Variants in DPP10 observed in about 807,000 individuals in gnomAD.
The protein encoded by DPP10 is dipeptidyl peptidase like 10, also known as inactive dipeptidyl peptidase 10.
Under a neutral mutation model 120.9 loss-of-function variants are expected in DPP10, and 33 were observed. The observed-to-expected ratio is 0.27, with a 90% confidence interval of 0.21 to 0.37. DPP10 has a LOEUF of 0.37. Among genes scored for constraint, DPP10 ranks in the 10% least tolerant of loss-of-function variants. The pLI, the probability that DPP10 is intolerant of heterozygous loss-of-function variation, is 1.00. For missense variants in DPP10, 816 were observed against 942.8 expected (o/e 0.87, Z 1.76); for synonymous variants, 337 against 326.1 (o/e 1.03, Z -0.36).
chr2:114,916,290 C>G (rs1002822357), intron 1 of DPP10, among the ~76,000 whole-genome samples: 3 of 152,018 alleles, frequency 2.0e-5, no homozygotes, highest in Non-Finnish European at 2.9e-5. Context: ...AAACAGAATA[C>G]CTGAACAGAC....
At chr2:115,073,007 T>C (rs542565509) in intron 1 of DPP10, among the ~76,000 whole-genome samples, 1 of 152,274 alleles carries the variant, frequency 6.6e-6, no homozygotes, top group African/African-American at 2.4e-5. Context: ...GGTCTCGAAC[T>C]TCTAACCTCA....
intron 3 of DPP10, among the ~76,000 whole-genome samples, chr2:115,469,774 T>C (rs1438173478): frequency 2.0e-5 from 3 of 151,066 alleles, no homozygotes; most frequent in Non-Finnish European, 4.4e-5. Context: ...GGCACTTTCC[T>C]GTAATCCCAG....
chr2:115,632,014 T>C (rs1238151513), intron 5 of DPP10, among the ~76,000 whole-genome samples: 1 of 152,194 alleles, frequency 6.6e-6, no homozygotes, highest in Non-Finnish European at 1.5e-5. Flanking sequence ...AGTGGGGTGT[T>C]GAAGTCTCAC....
intron 5 of DPP10, among the ~76,000 whole-genome samples, chr2:115,641,839 A>G (rs1325454156): frequency 6.6e-6 from 1 of 152,150 alleles, no homozygotes; most frequent in African/African-American, 2.4e-5. Flanking sequence ...ACCTTTTCTT[A>G]TGTCATTTCA....
intron 3 of DPP10, among the ~76,000 whole-genome samples, chr2:115,445,545 G>A (rs751744751): frequency 6.6e-6 from 1 of 152,164 alleles, no homozygotes; most frequent in Non-Finnish European, 1.5e-5. Flanking sequence ...GGTCACTCTT[G>A]CTATGCTTTA....
At chr2:115,423,567 GA>G (rs2070181771) in intron 3 of DPP10, among the ~76,000 whole-genome samples, 1 of 152,084 alleles carries the variant, frequency 6.6e-6, no homozygotes, top group Non-Finnish European at 1.5e-5. Context: ...ATGACAAAAA[GA>G]ACGGCTTTGC....
chr2:114,743,182 TTTTAGGGATTTTGATC>T (rs1363379263), intron 1 of DPP10, among the ~76,000 whole-genome samples: 2 of 152,170 alleles, frequency 1.3e-5, no homozygotes, highest in African/African-American at 4.8e-5. Context: ...AGATTTTAGA[TTTTAGGGATTTTGATC>T]TTTAGGGATT....
At chr2:115,819,195 T>G (rs1687566244) in intron 21 of DPP10, among the ~76,000 whole-genome samples, 1 of 152,230 alleles carries the variant, frequency 6.6e-6, no homozygotes, top group Admixed American at 6.5e-5. Flanking sequence ...CTGTGTGGGA[T>G]TAAACATTTA....
At chr2:114,818,057 T>C (rs1000467155) in intron 1 of DPP10, among the ~76,000 whole-genome samples, 5 of 152,100 alleles carry the variant, frequency 3.3e-5, no homozygotes, top group African/African-American at 1.2e-4. Flanking sequence ...ATCTTTTGCC[T>C]GGGAAGAAGA....
chr2:114,895,887 A>G (rs149061930), intron 1 of DPP10, among the ~76,000 whole-genome samples: 5 of 152,168 alleles, frequency 3.3e-5, no homozygotes, highest in South Asian at 2.1e-4. Context: ...TAGGTCTTCA[A>G]TCCATCTTGA....
chr2:114,741,429 T>C (rs1678052929), intron 1 of DPP10, among the ~76,000 whole-genome samples: 1 of 151,994 alleles, frequency 6.6e-6, no homozygotes, highest in Non-Finnish European at 1.5e-5. Flanking sequence ...GTGTTGGGAG[T>C]AGGTGCTCTG....
chr2:114,720,746 AC>A lies in DPP10; in HGVS notation c.60+277909del, dbSNP rs1393563221. On this transcript the variant is annotated intron_variant, in intron 1 of 25. Coordinates refer to ENST00000410059, the MANE Select transcript of DPP10 (RefSeq NM_020868.6). Reference sequence around the variant, plus strand: ...TCTACTTTCTGGACACATGAAATATACATTTCTTGGACCCTTAATAAGGACC... The same window carrying A: ...TCTACTTTCTGGACACATGAAATATAATTTCTTGGACCCTTAATAAGGACC... Among the ~76,000 whole-genome samples, 8 of 152,306 alleles carry A rather than the reference AC, an allele frequency of 5.3e-5. No individual in the cohort carries two copies. The East Asian group carries it at 1.5e-3, about 29-fold the overall frequency.
intron 5 of DPP10, among the ~76,000 whole-genome samples, chr2:115,578,025 A>G (rs1019450867): frequency 1.3e-5 from 2 of 152,180 alleles, no homozygotes; most frequent in Non-Finnish European, 2.9e-5. Context: ...TATGACAGTC[A>G]TAACTTTATC....
At chr2:115,836,051 T>TA in intron 21 of DPP10, 106 bp from the exon 22 acceptor site, 1 of 601,766 alleles carries the variant, frequency 1.7e-6, no homozygotes. Flanking sequence ...GATCAAAAGC[T>TA]AAAAATGTCT....
chr2:115,526,001 T>G (rs2078113156), intron 5 of DPP10, 29 bp downstream of exon 5: 1 of 1,570,778 alleles, frequency 6.4e-7, no homozygotes, highest in Admixed American at 1.9e-5. Context: ...TTGAGAATAC[T>G]TTTCTTTGTG....
intron 1 of DPP10, among the ~76,000 whole-genome samples, chr2:114,530,703 G>C (rs1046049342): frequency 1.3e-5 from 2 of 152,106 alleles, no homozygotes; most frequent in African/African-American, 4.8e-5. Context: ...GATTGCAGCA[G>C]AAGCATCTAT....
chr2:114,899,940 A>T (rs1693411506), intron 1 of DPP10, among the ~76,000 whole-genome samples: 1 of 152,258 alleles, frequency 6.6e-6, no homozygotes. Flanking sequence ...AGCCTGGGTG[A>T]CAGAGCGAGA....
intron 5 of DPP10, among the ~76,000 whole-genome samples, chr2:115,682,219 G>T (rs1484263743): frequency 6.6e-6 from 1 of 151,900 alleles, no homozygotes. Context: ...TGCCATTCAG[G>T]TTATCAAACC....
intron 1 of DPP10, among the ~76,000 whole-genome samples, chr2:114,491,293 C>T (rs1299699484): frequency 6.6e-6 from 1 of 152,152 alleles, no homozygotes; most frequent in Non-Finnish European, 1.5e-5. Context: ...CTCAAATTTT[C>T]ATTCATAACA....
Sources: allele counts gnomAD v4.1 joint callset (sites outside exome capture counted in the v4.1 genomes callset), GRCh38; gene constraint gnomAD v4.1.1; transcripts MANE v1.5; gene names NCBI Gene and HGNC (gene_info 2026-07-23, HGNC 2026-07-21).